Variants in FST observed in about 807,000 individuals in gnomAD.
The protein encoded by FST is follistatin.
FST carries 6 observed loss-of-function variants against 38.4 expected under a neutral mutation model. The observed-to-expected ratio is 0.16, with a 90% CI of 0.09 to 0.31. The LOEUF (loss-of-function observed/expected upper bound fraction) is 0.31. Among genes scored for constraint, FST ranks in the 10% least tolerant of loss-of-function variants. The pLI is 1.00. For synonymous variants in FST, 157 were observed against 169.8 expected (o/e 0.92, Z 0.59); for missense variants, 301 against 432.3 (o/e 0.70, Z 2.69).
chr5:53,482,074 G>C (rs1747249734), intron 1 of FST, among the ~76,000 whole-genome samples: 1 of 152,266 alleles, frequency 6.6e-6, no homozygotes, highest in African/African-American at 2.4e-5. Context: ...GATCGCGGTG[G>C]CCGCGGGCGT....
rs1641197187 is a variant in FST at position 53,486,754 on chromosome 5, T to C, written c.*721T>C. ...AGAGAGGAGATGATTAGAATTCTAG[T>C]AATGTACTTTTAAGATGTTACAGAT... On this transcript the variant is annotated 3_prime_UTR_variant, in exon 6 of 6. Coordinates refer to ENST00000256759, the MANE Select transcript of FST (RefSeq NM_013409.3). 2 of 152,236 alleles carry C rather than the reference T, an allele frequency of 1.3e-5. No homozygotes were observed. The allele number at this position is 152,236 out of a possible 1,614,324, so 9.4% of individuals were successfully genotyped here.
At position 53,483,992 on chromosome 5, in the gene FST, T is replaced by C. The variant is rs1325385840; in HGVS notation, c.497-77T>C. ...AAGCTGGATGCTTCAGTGTCATGATTTCCTTGGTAACTTCAAGTGCTCACT... is the reference window on the plus strand; with the variant it reads ...AAGCTGGATGCTTCAGTGTCATGATCTCCTTGGTAACTTCAAGTGCTCACT... On this transcript the variant is annotated intron_variant, in intron 3 of 5. Coordinates refer to ENST00000256759, the MANE Select transcript of FST (RefSeq NM_013409.3). This position sits in a 1 kb window ranked among gnomAD's most constrained non-coding sequence, Gnocchi z 4.1. 1 of 1,256,174 alleles carries C rather than the reference T, an allele frequency of 8.0e-7. No individual in the cohort carries two copies. Among genetic ancestry groups the C allele is most frequent in the African/African-American group, 1.5e-5 (1 of 67,754 alleles). The allele number at this position is 1,256,174 out of a possible 1,614,324, so 77.8% of individuals were successfully genotyped here.
Position 53,483,429 on chromosome 5 carries a change from G to C in FST, c.278-75G>C. 8.7e-7 allele frequency: 1 copy of C among 1,154,468 alleles called. No homozygotes were observed. Among genetic ancestry groups the C allele is most frequent in the South Asian group, 1.3e-5 (1 of 74,290 alleles). 71.5% of individuals were successfully genotyped at this position (1,154,468 alleles called of 1,614,324 possible). Reference sequence around the variant, plus strand: ...ACTCAGGGCTGCATGATTGCGCAAGGCACCCGAAGCCCTCCTGGCTGACCT... The same window carrying C: ...ACTCAGGGCTGCATGATTGCGCAAGCCACCCGAAGCCCTCCTGGCTGACCT... On this transcript the variant is annotated intron_variant, in intron 2 of 5. Transcript: ENST00000256759. This position sits in a 1 kb window ranked among gnomAD's most constrained non-coding sequence, Gnocchi z 4.1.
intron 1 of FST, 113 bp from the exon 2 acceptor site, chr5:53,482,767 C>T (rs1024676610): frequency 3.3e-6 from 2 of 610,412 alleles, no homozygotes; most frequent in Non-Finnish European, 5.9e-6. Context: ...CCCTCCTCCA[C>T]GCTCACCCCC....
At position 53,483,757 on chromosome 5, in the gene FST, TC is replaced by T; in HGVS notation, c.496+39del. ...ACCCTGTTGAGCAAGACTGGATCTG[TC>T]CCCTCCTCCAGCTTTGTACCTAAAG... On this transcript the variant is annotated intron_variant, in intron 3 of 5. Transcript: ENST00000256759. This position sits in a 1 kb window ranked among gnomAD's most constrained non-coding sequence, Gnocchi z 4.1. The T allele has an allele frequency of 6.7e-7, 1 of 1,482,304 alleles. No homozygotes were observed. The highest frequency in any genetic ancestry group is 2.3e-5 in the East Asian group (1 of 44,220). The allele number at this position is 1,482,304 out of a possible 1,614,324, so 91.8% of individuals were successfully genotyped here.
rs3083659 is a variant in FST at position 53,486,072 on chromosome 5, CA to C, written c.*60del. On this transcript the variant is annotated 3_prime_UTR_variant, in exon 6 of 6. Coordinates refer to ENST00000256759, the MANE Select transcript of FST (RefSeq NM_013409.3). Reference sequence around the variant, plus strand: ...GTTCAGTGTTGACATAGCCTTTGTGCAAAAAAAAAAAAAAAAAAAAAGAAAA... The same window carrying C: ...GTTCAGTGTTGACATAGCCTTTGTGCAAAAAAAAAAAAAAAAAAAAGAAAA... The C allele has an allele frequency of 0.078, 20,575 of 262,508 alleles. 28 individuals are homozygous for C. The highest frequency in any genetic ancestry group is 0.13 in the East Asian group (1,779 of 13,902). 16.3% of individuals were successfully genotyped at this position (262,508 alleles called of 1,614,324 possible).
Position 53,486,086 on chromosome 5 carries a change from AAAAAAAAGAAAAAG to A in FST, c.*67_*80del, listed in dbSNP as rs1158005874. 4 of 939,490 alleles carry A rather than the reference AAAAAAAAGAAAAAG, an allele frequency of 4.3e-6. No individual in the cohort carries two copies. Among genetic ancestry groups the A allele is most frequent in the South Asian group, 1.7e-5 (1 of 60,454 alleles). The allele number at this position is 939,490 out of a possible 1,614,324, so 58.2% of individuals were successfully genotyped here. A position where few individuals can be genotyped will look rare whatever the true frequency, so the allele number is the denominator to read the frequency against. ...TAGCCTTTGTGCAAAAAAAAAAAAA[AAAAAAAAGAAAAAG>A]AAAAAAAGAAAAATATATTGTCCAT... On this transcript the variant is annotated 3_prime_UTR_variant, in exon 6 of 6. Transcript: ENST00000256759.
At chr5:53,485,767 A>C (rs722910) in intron 5 of FST, 184 bp from the exon 6 acceptor site, 4 of 1,583,956 alleles carry the variant, frequency 2.5e-6, no homozygotes, top group Non-Finnish European at 3.4e-6. Flanking sequence ...CTTTAAAAAA[A>C]TTTTTTTAAC....
Position 53,481,781 on chromosome 5 carries a change from A to G in FST, c.85+905A>G, listed in dbSNP as rs372749378. On this transcript the variant is annotated intron_variant, in intron 1 of 5. Transcript: ENST00000256759. ...CTTCTCGACCCAAATCCGAACATTA[A>G]AAAGGGGGAAGAGGGAGAAATCACT... is the stretch of plus-strand genomic sequence containing the variant. Among the ~76,000 whole-genome samples, 5 of 152,366 alleles carry G rather than the reference A, an allele frequency of 3.3e-5. No individual in the cohort carries two copies. In the East Asian group the frequency reaches 7.7e-4, roughly 23 times the overall value.
intron 1 of FST, chr5:53,482,612 G>T (rs1049198013): frequency 1.1e-5 from 5 of 464,220 alleles, no homozygotes; most frequent in African/African-American, 8.0e-5. Context: ...TGGCTGGGGC[G>T]CCCTGTCTTC....
At chr5:53,482,857 TC>T in intron 1 of FST, 22 bp from the exon 2 acceptor site, 1 of 1,447,504 alleles carries the variant, frequency 6.9e-7, no homozygotes, top group Non-Finnish European at 9.4e-7. Context: ...CTCACCCACC[TC>T]CCCACCCTTG....
chr5:53,480,920 G>A (rs749494753), intron 1 of FST, 44 bp downstream of exon 1: 11 of 1,137,630 alleles, frequency 9.7e-6, no homozygotes, highest in Non-Finnish European at 1.1e-5. Context: ...CTGAGGACAG[G>A]GGGGTCGACT....
In FST at chr5:53,486,771, G is replaced by A. The variant is rs1268713167; in HGVS notation, c.*738G>A. 1.3e-5 allele frequency: 2 copies of A among 152,194 alleles called. No homozygotes were observed. The highest frequency in any genetic ancestry group is 2.4e-5 in the African/African-American group (1 of 41,458). The allele number at this position is 152,194 out of a possible 1,614,324, so 9.4% of individuals were successfully genotyped here. On this transcript the variant is annotated 3_prime_UTR_variant, in exon 6 of 6. Coordinates refer to ENST00000256759, the MANE Select transcript of FST (RefSeq NM_013409.3). ...AATTCTAGTAATGTACTTTTAAGAT[G>A]TTACAGATACAAAGAAATGATGTGG...
chr5:53,483,156 A>C lies in FST; in HGVS notation c.277+85A>C, dbSNP rs1747345627. The C allele has an allele frequency of 1.1e-6, 1 of 916,570 alleles. No individual in the cohort carries two copies. Among genetic ancestry groups the C allele is most frequent in the African/African-American group, 1.6e-5 (1 of 60,784 alleles). The allele number at this position is 916,570 out of a possible 1,614,324, so 56.8% of individuals were successfully genotyped here. A position where few individuals can be genotyped will look rare whatever the true frequency, so the allele number is the denominator to read the frequency against. ...CCCCACTACCTGACTGGGGTTTGGGAGTAGGAGAGCTTTGTTCCTGGGCTT... is the reference window on the plus strand; with the variant it reads ...CCCCACTACCTGACTGGGGTTTGGGCGTAGGAGAGCTTTGTTCCTGGGCTT... On this transcript the variant is annotated intron_variant, in intron 2 of 5. Coordinates refer to ENST00000256759, the MANE Select transcript of FST (RefSeq NM_013409.3). The surrounding 1 kb of genome is among the most constrained non-coding windows in gnomAD (Gnocchi z 4.1).
At position 53,485,227 on chromosome 5, in the gene FST, T is replaced by A. The variant is rs1171829348; in HGVS notation, c.952T>A (p.Ser318Thr). 1 of 1,548,166 alleles carries A rather than the reference T, an allele frequency of 6.5e-7. No homozygotes were observed. The highest frequency in any genetic ancestry group is 1.7e-5 in the Admixed American group (1 of 59,938). Residue 318 changes from serine (S) to threonine (T), a missense_variant and splice_region_variant, in exon 5 of 6, where the codon TCC (serine) becomes ACC (threonine). Coordinates refer to ENST00000256759, the MANE Select transcript of FST (RefSeq NM_013409.3). ...AGTAAAGCACTCCGGATCTTGCAAC[T>A]GTAAGTGCGATTTTTAACCTTGCTG... ...LEVKHSGSCN[S>T]ISEDTEEEEE...
In FST at chr5:53,484,345, A is replaced by G. The variant is rs774287968; in HGVS notation, c.721+52A>G. The stretch of plus-strand genomic sequence containing the variant: ...AAAGAGAAAACAGGCTAGTTCTATT[A>G]TTAAACTGTGGGGTTAACTAATAAG... On this transcript the variant is annotated intron_variant, in intron 4 of 5. Coordinates refer to ENST00000256759, the MANE Select transcript of FST (RefSeq NM_013409.3). 8 of 1,569,040 alleles carry G rather than the reference A, an allele frequency of 5.1e-6. 1 individual carries two copies. In the South Asian group the frequency reaches 8.2e-5, roughly 16 times the overall value.
At chr5:53,482,774 C>T (rs1747316607) in intron 1 of FST, 106 bp from the exon 2 acceptor site, 1 of 636,720 alleles carries the variant, frequency 1.6e-6, no homozygotes, top group Non-Finnish European at 2.8e-6. Flanking sequence ...CCACGCTCAC[C>T]CCCTCCCCAT....
Position 53,480,798 on chromosome 5 carries a change from C to T in FST, c.7C>T (p.Arg3Cys), listed in dbSNP as rs568804432. The T allele has an allele frequency of 1.3e-6, 2 of 1,501,610 alleles. No individual in the cohort carries two copies. The highest frequency in any genetic ancestry group is 5.5e-5 in the East Asian group (2 of 36,564). 93.0% of individuals were successfully genotyped at this position (1,501,610 alleles called of 1,614,324 possible). A position where few individuals can be genotyped will look rare whatever the true frequency, so the allele number is the denominator to read the frequency against. Residue 3 changes from arginine (R) to cysteine (C), a missense_variant, in exon 1 of 6, where the codon CGC (arginine) becomes TGC (cysteine). Coordinates refer to ENST00000256759, the MANE Select transcript of FST (RefSeq NM_013409.3). Reference protein sequence around the residue: MVRARHQPGGLCL... With the variant: MVCARHQPGGLCL... ...CCCCGCGCCTGCCCCCAGGATGGTCCGCGCGAGGCACCAGCCGGGTGGGCT... is the reference window on the plus strand; with the variant it reads ...CCCCGCGCCTGCCCCCAGGATGGTCTGCGCGAGGCACCAGCCGGGTGGGCT...
At chr5:53,482,679 C>T in intron 1 of FST, 1 of 533,488 alleles carries the variant, frequency 1.9e-6, no homozygotes, top group East Asian at 3.2e-5. Flanking sequence ...CAGGGCTTCC[C>T]CCTCCACTGC....
Sources: allele counts gnomAD v4.1 joint callset (sites outside exome capture counted in the v4.1 genomes callset), GRCh38; gene constraint gnomAD v4.1.1; non-coding constraint Gnocchi (gnomAD v3.1); transcripts MANE v1.5; gene names NCBI Gene and HGNC (gene_info 2026-07-23, HGNC 2026-07-21).